The following BMPER variants were observed in gnomAD, a reference collection of about 807,000 sequenced individuals.
BMPER encodes the protein BMP binding endothelial regulator.
A neutral mutation model predicts 87.3 loss-of-function variants in BMPER; 45 were observed. That is an observed-to-expected ratio of 0.52 (90% CI 0.41 to 0.66). The LOEUF (loss-of-function observed/expected upper bound fraction) is 0.66. BMPER is among the 30% of genes least tolerant of loss of function. The pLI is 0.00. For missense variants in BMPER, 784 were observed against 867.5 expected, an observed-to-expected ratio of 0.90 and a Z score of 1.21; for synonymous variants, 326 against 316.2, an observed-to-expected ratio of 1.03 and a Z score of -0.33.
intron 13 of BMPER, among the ~76,000 whole-genome samples, chr7:34,109,296 C>T (rs376624492): frequency 3.3e-5 from 5 of 152,176 alleles, no homozygotes; most frequent in African/African-American, 1.2e-4. Flanking sequence ...CTCTCTTACT[C>T]AGGGGAGGGT....
intron 11 of BMPER, among the ~76,000 whole-genome samples, chr7:34,066,331 A>G (rs1365505342): frequency 6.6e-6 from 1 of 152,256 alleles, no homozygotes; most frequent in East Asian, 1.9e-4. Flanking sequence ...TAGGAGAACA[A>G]AAGTCCTCTT....
intron 6 of BMPER, among the ~76,000 whole-genome samples, chr7:34,011,202 T>G (rs1258771085): frequency 1.3e-5 from 2 of 151,826 alleles, no homozygotes; most frequent in Non-Finnish European, 1.5e-5. Flanking sequence ...TAGACTATAA[T>G]GTGCCTATTA....
At chr7:33,905,449 T>A, upstream of BMPER, 1 of 26,582 alleles carries the variant, frequency 3.8e-5, no homozygotes, top group Non-Finnish European at 7.1e-5. Flanking sequence ...CCCCCCGCCC[T>A]CCCTCACACC....
intron 10 of BMPER, among the ~76,000 whole-genome samples, chr7:34,059,645 G>A (rs1216668946): frequency 6.6e-6 from 1 of 151,080 alleles, no homozygotes; most frequent in Non-Finnish European, 1.5e-5. Flanking sequence ...CTTCTCGGGG[G>A]CCAGCAGGAG....
intron 3 of BMPER, chr7:33,937,609 G>A: frequency 1.8e-6 from 1 of 561,780 alleles, no homozygotes; most frequent in Admixed American, 3.0e-5. Context: ...AGGGATGAAA[G>A]TATGTGAGCA....
At chr7:33,964,493 C>G (rs1361997478) in intron 3 of BMPER, among the ~76,000 whole-genome samples, 1 of 152,192 alleles carries the variant, frequency 6.6e-6, no homozygotes, top group Non-Finnish European at 1.5e-5. Context: ...GTATTATTGT[C>G]CAATCTTTCT....
intron 3 of BMPER, among the ~76,000 whole-genome samples, chr7:33,950,866 C>T (rs1165232131): frequency 6.6e-6 from 1 of 152,112 alleles, no homozygotes; most frequent in African/African-American, 2.4e-5. Flanking sequence ...AAGCATCTAT[C>T]GAGAATGATA....
intron 13 of BMPER, among the ~76,000 whole-genome samples, chr7:34,097,412 C>T (rs913123575): frequency 4.6e-5 from 7 of 152,196 alleles, no homozygotes; most frequent in South Asian, 4.1e-4. Flanking sequence ...GGAGGGGGCA[C>T]GCTGCAGTGT....
intron 11 of BMPER, among the ~76,000 whole-genome samples, chr7:34,070,062 A>G (rs1788697302): frequency 6.6e-6 from 1 of 152,138 alleles, no homozygotes. Flanking sequence ...CTCCACTTTC[A>G]TGGTGCCCTT....
At chr7:34,097,917 T>G (rs6948894) in intron 13 of BMPER, among the ~76,000 whole-genome samples, 10 of 151,962 alleles carry the variant, frequency 6.6e-5, no homozygotes, top group African/African-American at 2.4e-4. Flanking sequence ...GCTAATCTTA[T>G]GCACACCTAG....
At chr7:33,950,832 A>G (rs1348823761) in intron 3 of BMPER, among the ~76,000 whole-genome samples, 1 of 152,190 alleles carries the variant, frequency 6.6e-6, no homozygotes, top group Admixed American at 6.5e-5. Context: ...TACCCAGAGC[A>G]GCTTTGGGAC....
At chr7:34,074,198 GT>G (rs1179738046) in intron 11 of BMPER, among the ~76,000 whole-genome samples, 1 of 152,206 alleles carries the variant, frequency 6.6e-6, no homozygotes, top group Non-Finnish European at 1.5e-5. Flanking sequence ...ACTATTTCTG[GT>G]GGATTACAGG....
chr7:34,132,002 A>G (rs1486493659), intron 13 of BMPER, among the ~76,000 whole-genome samples: 4 of 152,038 alleles, frequency 2.6e-5, no homozygotes, highest in African/African-American at 7.2e-5. Context: ...ACAGATTTTC[A>G]TTTACCTTCT....
chr7:34,055,075 A>T (rs17169636), intron 8 of BMPER, 88 bp from the exon 9 acceptor site: 2 of 1,551,346 alleles, frequency 1.3e-6, no homozygotes, highest in East Asian at 2.2e-5. Context: ...TGACACAGAT[A>T]GTTATGAGTT....
intron 13 of BMPER, among the ~76,000 whole-genome samples, chr7:34,118,215 G>C (rs1790166976): frequency 6.6e-6 from 1 of 152,114 alleles, no homozygotes; most frequent in Non-Finnish European, 1.5e-5. Flanking sequence ...TAAGGCAGGA[G>C]AATCGCTTGA....
intron 6 of BMPER, among the ~76,000 whole-genome samples, chr7:34,024,382 ACAATATATATATATATAT>A (rs1367227052): frequency 5.7e-5 from 3 of 52,548 alleles, no homozygotes; most frequent in African/African-American, 3.2e-4. Context: ...AAAAAAAAAA[ACAATATATATATATATAT>A]ATATATATAT....
At chr7:33,956,468 C>T (rs998663652) in intron 3 of BMPER, among the ~76,000 whole-genome samples, 2 of 152,198 alleles carry the variant, frequency 1.3e-5, no homozygotes, top group African/African-American at 2.4e-5. Context: ...ATCGAACCCT[C>T]GGACAACATG....
chr7:33,998,236 G>A (rs974309021), intron 6 of BMPER, among the ~76,000 whole-genome samples: 1 of 152,192 alleles, frequency 6.6e-6, no homozygotes, highest in Non-Finnish European at 1.5e-5. Context: ...GGAAAGTCCT[G>A]AATTCCATTC....
At chr7:34,103,092 TG>T (rs1308802967) in intron 13 of BMPER, among the ~76,000 whole-genome samples, 2 of 151,052 alleles carry the variant, frequency 1.3e-5, no homozygotes, top group Non-Finnish European at 3.0e-5. Context: ...TCTGGGAGAG[TG>T]GAAGGGCAGA....
Sources: allele counts gnomAD v4.1 joint callset (sites outside exome capture counted in the v4.1 genomes callset), GRCh38; gene constraint gnomAD v4.1.1; transcripts MANE v1.5; gene names NCBI Gene and HGNC (gene_info 2026-07-23, HGNC 2026-07-21).